DPP6: variants seen among roughly 807,000 people sequenced by gnomAD.
DPP6 encodes the protein dipeptidyl peptidase like 6.
DPP6 carries 69 observed loss-of-function variants against 122.6 expected under a neutral mutation model. The observed-to-expected ratio is 0.56, with a 90% CI of 0.46 to 0.69. The LOEUF (loss-of-function observed/expected upper bound fraction) is 0.69. DPP6 is among the 30% of genes least tolerant of loss of function. DPP6 has a pLI of 0.00. For missense variants in DPP6, 928 were observed against 1,116.9 expected, an observed-to-expected ratio of 0.83 and a Z score of 2.41; for synonymous variants, 418 against 433.1, an observed-to-expected ratio of 0.97 and a Z score of 0.43.
chr7:154,034,643 C>CACTCTT (rs1799427312), intron 1 of DPP6, among the ~76,000 whole-genome samples: 1 of 152,070 alleles, frequency 6.6e-6, no homozygotes, highest in Non-Finnish European at 1.5e-5. Context: ...AGCAGTGTAA[C>CACTCTT]ACTCTTTTTA....
intron 17 of DPP6, among the ~76,000 whole-genome samples, chr7:154,867,028 C>T (rs2150621420): frequency 6.6e-6 from 1 of 150,830 alleles, no homozygotes; most frequent in Non-Finnish European, 1.5e-5. Context: ...GATGACTGGA[C>T]ATCCATTCTA....
chr7:154,741,057 A>G (rs955914737), intron 8 of DPP6, among the ~76,000 whole-genome samples: 3 of 152,166 alleles, frequency 2.0e-5, no homozygotes, highest in African/African-American at 7.2e-5. Context: ...AGGCGTGGAG[A>G]GGACATACCC....
At chr7:154,344,713 C>T (rs35099637) in intron 1 of DPP6, among the ~76,000 whole-genome samples, 15,181 of 152,022 alleles carry the variant, frequency 0.1, 910 homozygotes, top group South Asian at 0.16. Flanking sequence ...CGGTGAGACC[C>T]CCATCTCTAC....
intron 5 of DPP6, among the ~76,000 whole-genome samples, chr7:154,570,060 G>T (rs944193617): frequency 6.6e-6 from 1 of 151,884 alleles, no homozygotes; most frequent in Non-Finnish European, 1.5e-5. Flanking sequence ...CCCAGGGCCA[G>T]ATTTAAGGCT....
intron 1 of DPP6, among the ~76,000 whole-genome samples, chr7:153,957,568 C>T (rs1203960069): frequency 2.6e-5 from 4 of 152,084 alleles, no homozygotes; most frequent in Non-Finnish European, 4.4e-5. Context: ...CAAGTGAGGG[C>T]GAGAAGGAGG....
intron 5 of DPP6, among the ~76,000 whole-genome samples, chr7:154,576,805 G>A (rs1416946064): frequency 5.3e-5 from 8 of 152,150 alleles, no homozygotes; most frequent in African/African-American, 1.9e-4. Context: ...TGTCCCCTGG[G>A]GCTAGGAATT....
chr7:154,703,438 G>A (rs145460093), intron 7 of DPP6, among the ~76,000 whole-genome samples: 2,306 of 152,152 alleles, frequency 0.015, 64 homozygotes, highest in African/African-American at 0.051. Context: ...GGCCAACATG[G>A]CAAAACCCCA....
the DPP6 span, among the ~76,000 whole-genome samples, chr7:153,778,570 C>T: frequency 6.7e-6 from 1 of 149,314 alleles, no homozygotes; most frequent in Non-Finnish European, 1.5e-5. Context: ...TTATGATACT[C>T]AACCATGTCT....
chr7:154,571,872 A>G (rs1225499507), intron 5 of DPP6, among the ~76,000 whole-genome samples: 1 of 152,180 alleles, frequency 6.6e-6, no homozygotes, highest in Non-Finnish European at 1.5e-5. Flanking sequence ...GACAAACAAC[A>G]TGTATCATCC....
Position 154,893,024 on chromosome 7 carries a change from T to C in DPP6, c.*544T>C. ...ATGGTGAGGGGCTACAAGAAAACGC[T>C]TTTCTGTACAGAGTCTTACTGTAGC... On this transcript the variant is annotated 3_prime_UTR_variant, in exon 26 of 26. Coordinates refer to ENST00000377770, the MANE Select transcript of DPP6 (RefSeq NM_130797.4). 1 of 491,640 alleles carries C rather than the reference T, an allele frequency of 2.0e-6. No individual in the cohort carries two copies. 30.5% of individuals were successfully genotyped at this position (491,640 alleles called of 1,614,324 possible). A position where few individuals can be genotyped will look rare whatever the true frequency, so the allele number is the denominator to read the frequency against.
the DPP6 span, among the ~76,000 whole-genome samples, chr7:153,817,913 T>G: frequency 6.6e-6 from 1 of 150,994 alleles, no homozygotes; most frequent in Non-Finnish European, 1.5e-5. Flanking sequence ...ACTTAAAGTA[T>G]AATAATAATT....
chr7:154,849,808 G>A (rs1272139053), intron 16 of DPP6, among the ~76,000 whole-genome samples: 1 of 152,180 alleles, frequency 6.6e-6, no homozygotes, highest in Non-Finnish European at 1.5e-5. Context: ...GTTTGGCATA[G>A]ATGGCCTTTA....
At chr7:154,683,824 G>A (rs936693813) in intron 7 of DPP6, among the ~76,000 whole-genome samples, 42 of 152,048 alleles carry the variant, frequency 2.8e-4, no homozygotes, top group Admixed American at 2.1e-3. Context: ...CTCTCACTGC[G>A]AAGACTTTGT....
chr7:154,211,412 C>T (rs1022708810), intron 1 of DPP6, among the ~76,000 whole-genome samples: 6 of 152,176 alleles, frequency 3.9e-5, no homozygotes, highest in African/African-American at 1.4e-4. Flanking sequence ...GAGCACCCCT[C>T]ACGTCCATCT....
chr7:153,887,171 C>CT (rs1299525131), exon 1 of DPP6: 2 of 152,614 alleles, frequency 1.3e-5, no homozygotes, highest in Non-Finnish European at 2.9e-5. Flanking sequence ...CGGCCGGGTC[C>CT]CTGCCCTTAG....
chr7:154,174,652 G>C (rs10233579), intron 1 of DPP6, among the ~76,000 whole-genome samples: 119,829 of 152,112 alleles, frequency 0.79, 47,392 homozygotes, highest in East Asian at 0.95. Flanking sequence ...TTCATTACTG[G>C]AAGCCTGGCT....
intron 1 of DPP6, among the ~76,000 whole-genome samples, chr7:154,353,833 G>C (rs1023659837): frequency 1.4e-4 from 22 of 152,316 alleles, no homozygotes; most frequent in African/African-American, 5.1e-4. Flanking sequence ...CACAGAACAA[G>C]TATGATATAC....
intron 1 of DPP6, among the ~76,000 whole-genome samples, chr7:154,014,263 C>T (rs1360402284): frequency 2.7e-5 from 4 of 145,780 alleles, no homozygotes; most frequent in Middle Eastern, 3.5e-3. Context: ...AAATGCCTCC[C>T]CACCTCCACC....
chr7:153,938,563 G>A (rs186240654), intron 1 of DPP6, among the ~76,000 whole-genome samples: 1 of 152,192 alleles, frequency 6.6e-6, no homozygotes, highest in Non-Finnish European at 1.5e-5. Flanking sequence ...GAAAACAGCC[G>A]AGTCAAGATT....
Sources: allele counts gnomAD v4.1 joint callset (sites outside exome capture counted in the v4.1 genomes callset), GRCh38; gene constraint gnomAD v4.1.1; transcripts MANE v1.5; gene names NCBI Gene and HGNC (gene_info 2026-07-23, HGNC 2026-07-21).